The following CACNA1A variants were observed in gnomAD, a reference collection of about 807,000 sequenced individuals.
The protein encoded by CACNA1A is calcium voltage-gated channel subunit alpha1 A.
CACNA1A carries 57 observed loss-of-function variants against 262.4 expected under a neutral mutation model. The ratio of observed to expected loss-of-function variants is 0.22; its 90% CI spans 0.18 to 0.27. The LOEUF is 0.27. Among genes scored for constraint, CACNA1A ranks in the 10% least tolerant of loss-of-function variants. The pLI is 1.00. For synonymous variants in CACNA1A, 1,431 were observed against 1,419.3 expected (o/e 1.01, Z -0.18); for missense variants, 2,526 against 3,562.8 (o/e 0.71, Z 7.41).
intron 3 of CACNA1A, among the ~76,000 whole-genome samples, chr19:13,436,701 G>A (rs1406213181): frequency 6.6e-6 from 1 of 152,214 alleles, no homozygotes; most frequent in Admixed American, 6.5e-5. Context: ...GGAGACAGAT[G>A]ATTAACCAAA....
intron 26 of CACNA1A, 70 bp from the exon 27 acceptor site, chr19:13,259,771 A>C: frequency 1.3e-6 from 2 of 1,552,380 alleles, no homozygotes; most frequent in South Asian, 2.3e-5. Flanking sequence ...TTTGGTTATC[A>C]GAGACAGGGG....
chr19:13,365,211 G>A, intron 5 of CACNA1A, 106 bp downstream of exon 5: 3 of 957,476 alleles, frequency 3.1e-6, no homozygotes, highest in Non-Finnish European at 3.2e-6. Context: ...GAAGGAGACG[G>A]TCCTCCCAGC....
At position 13,454,945 on chromosome 19, in the gene CACNA1A, C is replaced by T. The variant is rs900454576; in HGVS notation, c.399+162G>A. On this transcript the variant is annotated intron_variant, in intron 2 of 46. Coordinates refer to ENST00000360228, the MANE Select transcript of CACNA1A (RefSeq NM_001127222.2). Reference sequence around the variant, plus strand: ...CTGCACTCCAGCCTGGGTGACAGAGCGAGACTCTGGTTCAAGAAAAAATGA... The same window carrying T: ...CTGCACTCCAGCCTGGGTGACAGAGTGAGACTCTGGTTCAAGAAAAAATGA... 4.6e-5 allele frequency among the ~76,000 whole-genome samples: 7 copies of T among 151,722 alleles called. No homozygotes were observed. In the East Asian group the frequency reaches 7.7e-4, roughly 17 times the overall value.
At chr19:13,496,047 T>G (rs1599377398) in intron 1 of CACNA1A, among the ~76,000 whole-genome samples, 1 of 4,824 alleles carries the variant, frequency 2.1e-4, no homozygotes, top group Non-Finnish European at 9.3e-4. Flanking sequence ...TGTTCAACCA[T>G]CCATCCATCC....
In CACNA1A at chr19:13,465,587, C is replaced by T. The variant is rs778267123; in HGVS notation, c.294-10375G>A. The stretch of plus-strand genomic sequence containing the variant: ...GCAGCCTCGGCCTCCTGGGCTCAAT[C>T]GATCCTCTCGCCTCAGTCTCCTGAA... On this transcript the variant is annotated intron_variant, in intron 1 of 46. Transcript: ENST00000360228. Among the ~76,000 whole-genome samples, 15 of 152,162 alleles carry T rather than the reference C, an allele frequency of 9.9e-5. No homozygotes were observed. In the East Asian group the frequency reaches 1.2e-3, roughly 12 times the overall value.
chr19:13,439,193 C>T (rs2060667404), intron 3 of CACNA1A, among the ~76,000 whole-genome samples: 1 of 150,678 alleles, frequency 6.6e-6, no homozygotes. Flanking sequence ...ATTGCAAGCT[C>T]CGCCTCCCAG....
At chr19:13,340,836 T>C (rs1223461374) in intron 6 of CACNA1A, among the ~76,000 whole-genome samples, 1 of 152,030 alleles carries the variant, frequency 6.6e-6, no homozygotes, top group Non-Finnish European at 1.5e-5. Flanking sequence ...GGAAATAGGG[T>C]CTTTGCAGAT....
rs761547761 is a variant in CACNA1A at position 13,255,140 on chromosome 19, C to A, written c.4710G>T (p.Thr1570=). 24 of 1,613,720 alleles carry A rather than the reference C, an allele frequency of 1.5e-5. No individual in the cohort carries two copies. The Admixed American group carries it at 2.5e-4, about 17-fold the overall frequency. The change falls in exon 29 of 47, where the codon ACG becomes ACT. Residue 1570 remains threonine (T), a synonymous_variant. Coordinates refer to ENST00000360228, the MANE Select transcript of CACNA1A (RefSeq NM_001127222.2). ...QFVVSPPFEY[T]IMAMIALNTI... ...TGTTGAGGGCGATCATGGCCATGAT[C>A]GTGTACTCGAAAGGCGGAGACACCA...
At position 13,255,104 on chromosome 19, in the gene CACNA1A, A is replaced by T; in HGVS notation, c.4746T>A (p.Leu1582=). The change falls in exon 29 of 47, where the codon CTT becomes CTA. Residue 1582 remains leucine (L), a synonymous_variant. Coordinates refer to ENST00000360228, the MANE Select transcript of CACNA1A (RefSeq NM_001127222.2). ...MAMIALNTIV[L]MMKFYGASVA... ...GGTGTGGGGCACTTACCTTCATCAT[A>T]AGCACGATGGTGTTGAGGGCGATCA... 3 of 1,613,818 alleles carry T rather than the reference A, an allele frequency of 1.9e-6. No homozygotes were observed. The highest frequency in any genetic ancestry group is 2.5e-6 in the Non-Finnish European group (3 of 1,179,798).
chr19:13,429,780 G>A (rs1018458173), intron 3 of CACNA1A, among the ~76,000 whole-genome samples: 8 of 151,486 alleles, frequency 5.3e-5, no homozygotes, highest in African/African-American at 1.5e-4. Flanking sequence ...AATACGATTC[G>A]GCCTGGAAAA....
chr19:13,233,452 C>G (rs993957549), intron 34 of CACNA1A, among the ~76,000 whole-genome samples: 13 of 152,328 alleles, frequency 8.5e-5, no homozygotes, highest in African/African-American at 3.1e-4. Flanking sequence ...ACTATCACCA[C>G]TATCTACCTC....
intron 37 of CACNA1A, 55 bp downstream of exon 37, chr19:13,227,372 GAAGA>G: frequency 1.4e-6 from 1 of 729,964 alleles, no homozygotes; most frequent in East Asian, 2.7e-5. Context: ...AAAAAAAGAA[GAAGA>G]AGAAGAAAAA....
intron 44 of CACNA1A, among the ~76,000 whole-genome samples, chr19:13,210,137 T>C (rs191915993): frequency 2.7e-4 from 41 of 152,302 alleles, no homozygotes; most frequent in Admixed American, 2.6e-3. Context: ...TCCCTGGTGC[T>C]TCATCCCTGG....
chr19:13,212,562 G>A lies in CACNA1A; in HGVS notation c.6051-40C>T. 1 of 1,529,138 alleles carries A rather than the reference G, an allele frequency of 6.5e-7. No homozygotes were observed. The highest frequency in any genetic ancestry group is 1.2e-5 in the South Asian group (1 of 80,764). The allele number at this position is 1,529,138 out of a possible 1,614,324, so 94.7% of individuals were successfully genotyped here. On this transcript the variant is annotated intron_variant, in intron 41 of 46. Transcript: ENST00000360228. The surrounding 1 kb of genome is among the most constrained non-coding windows in gnomAD (Gnocchi z 5.6). ...GAGGCCGGGGTAGCAGTGGGCGCTT[G>A]GGCAGCTTCCAGAACGTGGGGACCA...
At chr19:13,420,915 A>G (rs1432019612) in intron 3 of CACNA1A, among the ~76,000 whole-genome samples, 2 of 152,148 alleles carry the variant, frequency 1.3e-5, no homozygotes, top group African/African-American at 4.8e-5. Context: ...ACCATCTTCT[A>G]CAGTAATGGA....
In CACNA1A at chr19:13,506,298, C is replaced by CGCT. The variant is rs1197384722; in HGVS notation, c.-77_-75dup. 2.3e-5 allele frequency: 29 copies of CGCT among 1,286,646 alleles called. No individual in the cohort carries two copies. The highest frequency in any genetic ancestry group is 2.9e-5 in the Non-Finnish European group (29 of 992,916). The allele number at this position is 1,286,646 out of a possible 1,614,324, so 79.7% of individuals were successfully genotyped here. Reference sequence around the variant, plus strand: ...AAGACGCCGCCGCCGCCGCCGCCGCCGCTGATGCTGAGGCTGCCGGGGCTG... The same window carrying CGCT: ...AAGACGCCGCCGCCGCCGCCGCCGCCGCTGCTGATGCTGAGGCTGCCGGGGCTG... On this transcript the variant is annotated 5_prime_UTR_variant, in exon 1 of 47. Coordinates refer to ENST00000360228, the MANE Select transcript of CACNA1A (RefSeq NM_001127222.2).
rs554506941 is a variant in CACNA1A at position 13,292,664 on chromosome 19, G to A, written c.3090-5698C>T. On this transcript the variant is annotated intron_variant, in intron 19 of 46. Coordinates refer to ENST00000360228, the MANE Select transcript of CACNA1A (RefSeq NM_001127222.2). Reference sequence around the variant, plus strand: ...CTGGAGAATGAAAAACACAGGGTACGTTTGCAAAAAGCCTCAAGGAATGAC... The same window carrying A: ...CTGGAGAATGAAAAACACAGGGTACATTTGCAAAAAGCCTCAAGGAATGAC... Among the ~76,000 whole-genome samples the A allele has an allele frequency of 1.1e-4, 17 of 152,154 alleles. No homozygotes were observed. In the South Asian group the frequency reaches 1.7e-3, roughly 15 times the overall value.
chr19:13,279,507 A>G (rs2144851325), intron 22 of CACNA1A, among the ~76,000 whole-genome samples: 1 of 152,062 alleles, frequency 6.6e-6, no homozygotes, highest in East Asian at 1.9e-4. Context: ...TTTTTTTGAG[A>G]TGGTGTCTCA....
At chr19:13,247,931 T>C (rs1364890326) in intron 30 of CACNA1A, among the ~76,000 whole-genome samples, 1 of 152,070 alleles carries the variant, frequency 6.6e-6, no homozygotes, top group East Asian at 1.9e-4. Flanking sequence ...CACTGGAGGA[T>C]AAATACTCCA....
Sources: gnomAD v4.1 joint callset for allele counts (sites outside exome capture counted in the v4.1 genomes callset) on GRCh38, gnomAD v4.1.1 for gene constraint, Gnocchi (gnomAD v3.1) non-coding constraint, MANE v1.5 for transcripts, NCBI Gene and HGNC (gene_info 2026-07-23, HGNC 2026-07-21) for gene names.